Variants in NUP98 observed in about 807,000 individuals in gnomAD.
The protein encoded by NUP98 is nuclear pore complex protein Nup98-Nup96.
In NUP98, 26 loss-of-function variants were observed where a neutral mutation model predicts 191.9. That is an observed-to-expected ratio of 0.14 (90% CI 0.10 to 0.19). The LOEUF (loss-of-function observed/expected upper bound fraction) is 0.19, where lower values mean the gene tolerates loss of function less well. Among genes scored for constraint, NUP98 ranks in the 10% least tolerant of loss-of-function variants. The pLI, the probability that NUP98 is intolerant of heterozygous loss-of-function variation, is 1.00. For missense variants in NUP98, 1,941 were observed against 2,178.8 expected (o/e 0.89, Z 2.17); for synonymous variants, 808 against 778.4 (o/e 1.04, Z -0.63).
chr11:3,735,442 G>T, intron 12 of NUP98, 118 bp from the exon 13 acceptor site: 1 of 458,512 alleles, frequency 2.2e-6, no homozygotes, highest in Non-Finnish European at 3.3e-6. Context: ...AAAATGCTCA[G>T]ATCAATGGTA....
At chr11:3,777,127 TAG>T (rs1362888473) in intron 4 of NUP98, among the ~76,000 whole-genome samples, 1 of 152,074 alleles carries the variant, frequency 6.6e-6, no homozygotes, top group East Asian at 1.9e-4. Flanking sequence ...AAATCAAATA[TAG>T]GTTAATGTAA....
intron 31 of NUP98, among the ~76,000 whole-genome samples, chr11:3,677,979 T>TACAC (rs35187001): frequency 2.6e-3 from 398 of 150,786 alleles, no homozygotes; most frequent in Middle Eastern, 3.4e-3. Flanking sequence ...TCTACTAAAA[T>TACAC]ACACACACAC....
chr11:3,679,426 A>AGCC, intron 31 of NUP98, 128 bp downstream of exon 31: 1 of 1,083,974 alleles, frequency 9.2e-7, no homozygotes. Flanking sequence ...CCTCAGCAAG[A>AGCC]TGCCTGCTTT....
At position 3,778,884 on chromosome 11, in the gene NUP98, G is replaced by C. The variant is rs1589952527; in HGVS notation, c.344C>G (p.Thr115Ser). 1.2e-6 allele frequency: 2 copies of C among 1,613,922 alleles called. No homozygotes were observed. The highest frequency in any genetic ancestry group is 2.2e-5 in the East Asian group (1 of 44,876). The change falls in exon 4 of 33, where the codon ACT becomes AGT. Residue 115 changes from threonine (T) to serine (S), a missense_variant. Around this residue, in one of 6 missense-constraint regions of NUP98, gnomAD observed 154 missense variants for 182.9 expected, o/e 0.84. Transcript: ENST00000324932. ...QNNAFAQNKP[T>S]GFGNFGTSTS... ...GATGTCCCACTTACTGCCAAAGCCA[G>C]TTGGTTTATTTTGTGCAAAGGCATT...
At chr11:3,679,913 A>G in intron 30 of NUP98, 2 of 582,554 alleles carry the variant, frequency 3.4e-6, no homozygotes, top group South Asian at 5.0e-5. Context: ...AAAATCACAA[A>G]TTTTTTGGTT....
intron 28 of NUP98, among the ~76,000 whole-genome samples, chr11:3,686,763 C>A (rs1358537290): frequency 2.0e-5 from 3 of 152,124 alleles, no homozygotes; most frequent in African/African-American, 7.2e-5. Flanking sequence ...GTGGGCGGAT[C>A]ACTTGAGGTC....
chr11:3,694,322 G>T (rs532962022), intron 26 of NUP98, among the ~76,000 whole-genome samples: 37 of 151,980 alleles, frequency 2.4e-4, no homozygotes, highest in African/African-American at 8.4e-4. Context: ...AGTGAGCCAA[G>T]ATTGTGCCAC....
intron 15 of NUP98, 43 bp downstream of exon 15, chr11:3,725,060 A>C (rs199860620): frequency 6.9e-6 from 6 of 863,820 alleles, no homozygotes; most frequent in African/African-American, 1.7e-5. Context: ...AAATGAGACT[A>C]TAACTCTCTA....
chr11:3,756,528 T>G (rs573463765), intron 10 of NUP98, among the ~76,000 whole-genome samples: 14 of 152,160 alleles, frequency 9.2e-5, no homozygotes, highest in African/African-American at 3.1e-4. Flanking sequence ...GTTCAAGTGA[T>G]TCTTCTGCCT....
At chr11:3,720,872 T>G in intron 16 of NUP98, 47 bp from the exon 17 acceptor site, 1 of 739,188 alleles carries the variant, frequency 1.4e-6, no homozygotes, top group East Asian at 2.9e-5. Flanking sequence ...TAACCTGAAA[T>G]AATCAGCAAC....
At chr11:3,729,280 G>T (rs1436150701) in intron 14 of NUP98, among the ~76,000 whole-genome samples, 1 of 152,024 alleles carries the variant, frequency 6.6e-6, no homozygotes, top group Non-Finnish European at 1.5e-5. Context: ...GAATGAAGAG[G>T]AACCAGTAAA....
intron 1 of NUP98, among the ~76,000 whole-genome samples, chr11:3,783,762 C>A (rs1448924802): frequency 1.3e-5 from 2 of 152,106 alleles, no homozygotes; most frequent in African/African-American, 4.8e-5. Context: ...TGTATCCAAA[C>A]TATGCACCCG....
At chr11:3,793,941 C>A (rs1260195133) in intron 1 of NUP98, among the ~76,000 whole-genome samples, 1 of 152,012 alleles carries the variant, frequency 6.6e-6, no homozygotes, top group Non-Finnish European at 1.5e-5. Context: ...TGCACTCCAG[C>A]CGGGGCAACA....
intron 31 of NUP98, among the ~76,000 whole-genome samples, chr11:3,678,220 A>C (rs988647129): frequency 6.6e-6 from 1 of 152,106 alleles, no homozygotes; most frequent in Non-Finnish European, 1.5e-5. Context: ...CTTTGTGAAA[A>C]TCTGTCAATA....
At chr11:3,715,102 C>A (rs1472706892) in intron 18 of NUP98, among the ~76,000 whole-genome samples, 3 of 152,216 alleles carry the variant, frequency 2.0e-5, no homozygotes, top group Non-Finnish European at 4.4e-5. Flanking sequence ...CACATTCCCA[C>A]CAATGGTGCA....
At chr11:3,677,428 T>G (rs77749188) in intron 31 of NUP98, among the ~76,000 whole-genome samples, 3 of 147,162 alleles carry the variant, frequency 2.0e-5, no homozygotes, top group East Asian at 2.0e-4. Flanking sequence ...TTTTTTTTTT[T>G]GGGAGAAGGG....
chr11:3,686,938 G>C (rs2078150695), intron 28 of NUP98, among the ~76,000 whole-genome samples: 1 of 152,086 alleles, frequency 6.6e-6, no homozygotes, highest in Non-Finnish European at 1.5e-5. Flanking sequence ...GGTGAGGTGA[G>C]ATCATACCAC....
chr11:3,724,853 T>C (rs2134240453), intron 15 of NUP98, among the ~76,000 whole-genome samples: 1 of 151,120 alleles, frequency 6.6e-6, no homozygotes, highest in Non-Finnish European at 1.5e-5. Flanking sequence ...AAATACATGC[T>C]AACCCTGTCC....
At chr11:3,781,275 G>T (rs1011295597) in intron 2 of NUP98, 48 of 151,490 alleles carry the variant, frequency 3.2e-4, no homozygotes, top group African/African-American at 1.1e-3. Flanking sequence ...TCCTCCTCCT[G>T]GAAAGAAAGA....
Sources: allele counts gnomAD v4.1 joint callset (sites outside exome capture counted in the v4.1 genomes callset), GRCh38; gene constraint gnomAD v4.1.1; regional missense constraint gnomAD v4.1.1; transcripts MANE v1.5; gene names NCBI Gene and HGNC (gene_info 2026-07-23, HGNC 2026-07-21).